The following ASIC2 variants were observed in gnomAD, a reference collection of about 807,000 sequenced individuals.
ASIC2 encodes acid-sensing ion channel 2.
In ASIC2, 25 loss-of-function variants were observed where a neutral mutation model predicts 57.3. The ratio of observed to expected loss-of-function variants is 0.44; its 90% CI spans 0.32 to 0.61. ASIC2 has a LOEUF of 0.61. Ranked by LOEUF, ASIC2 falls within the 20% of genes least tolerant of loss-of-function variation. ASIC2 has a pLI of 0.06. For missense variants in ASIC2, 641 were observed against 738.1 expected (o/e 0.87, Z 1.52); for synonymous variants, 319 against 307.5 (o/e 1.04, Z -0.39).
intron 1 of ASIC2, among the ~76,000 whole-genome samples, chr17:33,298,753 G>A (rs1328351342): frequency 6.6e-6 from 1 of 152,162 alleles, no homozygotes; most frequent in African/African-American, 2.4e-5. Flanking sequence ...ATCCTCTCCA[G>A]CACCTGTTGT....
chr17:33,726,719 T>A (rs1411556882), intron 1 of ASIC2, among the ~76,000 whole-genome samples: 1 of 152,206 alleles, frequency 6.6e-6, no homozygotes, highest in African/African-American at 2.4e-5. Context: ...TCCTTAGGCA[T>A]CCTGGGATAA....
At chr17:33,214,275 T>A (rs1356489237) in intron 1 of ASIC2, among the ~76,000 whole-genome samples, 1 of 152,138 alleles carries the variant, frequency 6.6e-6, no homozygotes. Context: ...CTCTTACTTG[T>A]ACCCTTGGCT....
chr17:34,088,700 C>T (rs1423201361), intron 1 of ASIC2, among the ~76,000 whole-genome samples: 1 of 152,238 alleles, frequency 6.6e-6, no homozygotes, highest in Admixed American at 6.5e-5. Context: ...CCAGTTCAAG[C>T]TTCCCGGCTG....
Position 33,320,617 on chromosome 17 carries a change from G to A in ASIC2, c.556-208550C>T, listed in dbSNP as rs34419727. 6.3e-3 allele frequency among the ~76,000 whole-genome samples: 963 copies of A among 152,230 alleles called. 5 individuals carry two copies. Among genetic ancestry groups the A allele is most frequent in the Non-Finnish European group, 0.011 (744 of 68,014 alleles). On this transcript the variant is annotated intron_variant, in intron 1 of 9. Coordinates refer to the ASIC2 transcript ENST00000359872. ...TTGGTTGCGAACACATCATCTCGTCGGCTCATTCTGAGTTTAGAGTTGGTT... is the reference window on the plus strand; with the variant it reads ...TTGGTTGCGAACACATCATCTCGTCAGCTCATTCTGAGTTTAGAGTTGGTT...
At chr17:33,151,438 C>T (rs535853930) in intron 1 of ASIC2, among the ~76,000 whole-genome samples, 12 of 131,946 alleles carry the variant, frequency 9.1e-5, no homozygotes, top group African/African-American at 3.8e-4. Flanking sequence ...CCACTGACTC[C>T]TACGTGACCT....
chr17:33,017,400 C>T (rs1016696167), intron 8 of ASIC2, among the ~76,000 whole-genome samples: 1 of 152,202 alleles, frequency 6.6e-6, no homozygotes, highest in Non-Finnish European at 1.5e-5. Context: ...CTGTGTTTCT[C>T]TTACATCCAC....
chr17:33,033,724 A>C (rs1213692007), intron 3 of ASIC2, among the ~76,000 whole-genome samples: 1 of 152,216 alleles, frequency 6.6e-6, no homozygotes, highest in Non-Finnish European at 1.5e-5. Flanking sequence ...CCCCACCTTC[A>C]GACCAGAGAA....
At chr17:33,454,084 A>G (rs1169970984) in intron 1 of ASIC2, among the ~76,000 whole-genome samples, 2 of 152,220 alleles carry the variant, frequency 1.3e-5, no homozygotes, top group Admixed American at 6.5e-5. Flanking sequence ...GCATTTGCCT[A>G]CAAGTGCTCA....
chr17:33,954,212 A>G (rs1326981658), intron 1 of ASIC2, among the ~76,000 whole-genome samples: 1 of 152,228 alleles, frequency 6.6e-6, no homozygotes, highest in Non-Finnish European at 1.5e-5. Flanking sequence ...GCAGCGGTCA[A>G]TGCAAGGCCA....
chr17:33,714,756 C>T (rs1909157494), intron 1 of ASIC2, among the ~76,000 whole-genome samples: 1 of 150,362 alleles, frequency 6.7e-6, no homozygotes, highest in Non-Finnish European at 1.5e-5. Context: ...AACAAAACAA[C>T]CAAATGTTGT....
intron 1 of ASIC2, among the ~76,000 whole-genome samples, chr17:33,225,104 C>T (rs890876447): frequency 6.6e-6 from 1 of 152,196 alleles, no homozygotes; most frequent in East Asian, 1.9e-4. Flanking sequence ...TTTGGGAGGG[C>T]AGACCAGCGT....
intron 1 of ASIC2, among the ~76,000 whole-genome samples, chr17:33,946,264 C>T (rs759770715): frequency 6.6e-6 from 1 of 152,140 alleles, no homozygotes; most frequent in Non-Finnish European, 1.5e-5. Flanking sequence ...TTTTGAGAAT[C>T]CTTCTCTTGT....
intron 1 of ASIC2, among the ~76,000 whole-genome samples, chr17:33,513,756 T>A (rs147087055): frequency 7.9e-5 from 12 of 152,336 alleles, no homozygotes; most frequent in Non-Finnish European, 1.3e-4. Flanking sequence ...TCCTGCTCTG[T>A]CCCCTACACT....
At chr17:33,423,492 C>T (rs1911113324) in intron 1 of ASIC2, among the ~76,000 whole-genome samples, 1 of 152,226 alleles carries the variant, frequency 6.6e-6, no homozygotes, top group African/African-American at 2.4e-5. Flanking sequence ...TAACAGCTTT[C>T]AGTCCATGGA....
In ASIC2 at chr17:33,627,037, G is replaced by C. The variant is rs189498582; in HGVS notation, c.556-514970C>G. ...TCCACCCCGCATCAACACATGCACA[G>C]GCACACTTCAGCCTCCAAGAACCCT... On this transcript the variant is annotated intron_variant, in intron 1 of 9. Transcript: ENST00000359872. 1.6e-3 allele frequency: 248 copies of C among 152,430 alleles called. 1 individual carries two copies. The highest frequency in any genetic ancestry group is 0.014 in the Middle Eastern group (4 of 294). 9.4% of individuals were successfully genotyped at this position (152,430 alleles called of 1,614,324 possible). A position where few individuals can be genotyped will look rare whatever the true frequency, so the allele number is the denominator to read the frequency against.
intron 1 of ASIC2, among the ~76,000 whole-genome samples, chr17:33,705,959 T>G (rs1908848242): frequency 6.6e-6 from 1 of 152,102 alleles, no homozygotes; most frequent in Admixed American, 6.6e-5. Context: ...TTCTGGAAAT[T>G]TTCTTGATAT....
At chr17:34,030,818 G>T (rs1429392118) in intron 1 of ASIC2, among the ~76,000 whole-genome samples, 1 of 152,186 alleles carries the variant, frequency 6.6e-6, no homozygotes. Context: ...AGGGGCACCC[G>T]CAATTGCCCA....
At chr17:33,547,254 C>A (rs573370018) in intron 1 of ASIC2, among the ~76,000 whole-genome samples, 4 of 148,200 alleles carry the variant, frequency 2.7e-5, no homozygotes, top group Admixed American at 2.0e-4. Flanking sequence ...GATGGGGCAG[C>A]AGAGGGGGTG....
chr17:33,242,965 C>A (rs1007152708), intron 1 of ASIC2, among the ~76,000 whole-genome samples: 1 of 152,198 alleles, frequency 6.6e-6, no homozygotes, highest in African/African-American at 2.4e-5. Context: ...CACTGGAGCA[C>A]CTGGCAGAAA....
Sources: gnomAD v4.1 joint callset for allele counts (sites outside exome capture counted in the v4.1 genomes callset) on GRCh38, gnomAD v4.1.1 for gene constraint, MANE v1.5 for transcripts, NCBI Gene and HGNC (gene_info 2026-07-23, HGNC 2026-07-21) for gene names.